ELF1: variants seen among roughly 807,000 people sequenced by gnomAD.
ELF1 encodes the protein E74 like ETS transcription factor 1, also known as ETS-related transcription factor Elf-1.
In ELF1, 24 loss-of-function variants were observed where a neutral mutation model predicts 59.9. That is an observed-to-expected ratio of 0.40 (90% confidence interval 0.29 to 0.56). The LOEUF is 0.56. ELF1 is among the 20% of genes least tolerant of loss of function. The pLI, the probability that ELF1 is intolerant of heterozygous loss-of-function variation, is 0.44. For synonymous variants in ELF1, 248 were observed against 266.2 expected (o/e 0.93, Z 0.67); for missense variants, 627 against 742.2 (o/e 0.84, Z 1.80).
chr13:41,061,325 A>G (rs1593421294), exon 1 of ELF1: 1 of 404,346 alleles, frequency 2.5e-6, no homozygotes, highest in Non-Finnish European at 4.5e-6. Context: ...AGACGGCGGG[A>G]TGGCGCAGGG....
chr13:40,984,945 TAAGCAACC>T (rs1566180579), intron 1 of ELF1, among the ~76,000 whole-genome samples: 1 of 152,196 alleles, frequency 6.6e-6, no homozygotes, highest in Non-Finnish European at 1.5e-5. Flanking sequence ...AAAATCAGGA[TAAGCAACC>T]AACATACCCA....
At chr13:40,989,831 G>A (rs1159395214) in intron 1 of ELF1, among the ~76,000 whole-genome samples, 5 of 152,070 alleles carry the variant, frequency 3.3e-5, no homozygotes, top group Admixed American at 3.3e-4. Flanking sequence ...ACTGATTCTA[G>A]GAAGGGGGAA....
At chr13:41,045,868 A>C (rs573353095) in intron 1 of ELF1, among the ~76,000 whole-genome samples, 35 of 152,236 alleles carry the variant, frequency 2.3e-4, no homozygotes, top group African/African-American at 8.4e-4. Flanking sequence ...TGATCTGTCT[A>C]ATGTTGACAG....
At position 40,943,283 on chromosome 13, in the gene ELF1, TTTAG is replaced by T. The variant is rs1205097924; in HGVS notation, c.614-143_614-140del. The T allele has an allele frequency of 6.4e-5, 47 of 731,328 alleles. No individual in the cohort carries two copies. In the African/African-American group the frequency reaches 7.9e-4, roughly 12 times the overall value. The allele number at this position is 731,328 out of a possible 1,614,324, so 45.3% of individuals were successfully genotyped here. ...AATTCAGTTAGTATTGGTGACATAA[TTTAG>T]TTAGTATGGGTGATATAATGGTCAT... On this transcript the variant is annotated intron_variant, in intron 6 of 8. Transcript: ENST00000239882.
chr13:41,049,068 T>C (rs1018848998), intron 1 of ELF1, among the ~76,000 whole-genome samples: 2 of 152,188 alleles, frequency 1.3e-5, no homozygotes, highest in Non-Finnish European at 2.9e-5. Context: ...TCTCCTGATT[T>C]TGCCCCAATT....
chr13:41,019,122 G>C (rs1257654620), intron 1 of ELF1, 106 bp downstream of exon 1: 1 of 882,002 alleles, frequency 1.1e-6, no homozygotes. Flanking sequence ...TTTATCAGAG[G>C]GTTAAAGAAC....
intron 2 of ELF1, among the ~76,000 whole-genome samples, chr13:40,974,260 A>G (rs1363889269): frequency 1.3e-5 from 2 of 152,206 alleles, no homozygotes; most frequent in African/African-American, 4.8e-5. Context: ...TAATTATACT[A>G]ATTAGCTAAA....
chr13:41,024,357 T>C (rs1875800610), intron 1 of ELF1, among the ~76,000 whole-genome samples: 1 of 152,096 alleles, frequency 6.6e-6, no homozygotes, highest in South Asian at 2.1e-4. Flanking sequence ...AGTTTTGCTC[T>C]GTCACCCAGG....
At chr13:41,018,162 AT>A in intron 1 of ELF1, among the ~76,000 whole-genome samples, 1 of 152,186 alleles carries the variant, frequency 6.6e-6, no homozygotes, top group South Asian at 2.1e-4. Flanking sequence ...CAAAAACTTT[AT>A]TTTTTGGAAT....
chr13:41,037,020 G>A (rs1055606032), intron 1 of ELF1, among the ~76,000 whole-genome samples: 5 of 151,846 alleles, frequency 3.3e-5, no homozygotes, highest in African/African-American at 1.2e-4. Context: ...GAGTTAATGG[G>A]TGCAGCACAC....
At chr13:41,012,711 C>G (rs915841161) in intron 1 of ELF1, among the ~76,000 whole-genome samples, 5 of 151,330 alleles carry the variant, frequency 3.3e-5, no homozygotes, top group African/African-American at 1.2e-4. Context: ...ACCTGGCTAA[C>G]TTAAAAAAAA....
chr13:40,993,787 G>T (rs941583728), intron 1 of ELF1, among the ~76,000 whole-genome samples: 1 of 152,032 alleles, frequency 6.6e-6, no homozygotes, highest in African/African-American at 2.4e-5. Context: ...ACCTGGCCGG[G>T]TTCTTTAATT....
In ELF1 at chr13:40,933,757, T is replaced by C; in HGVS notation, c.1528A>G (p.Ser510Gly). ...GPAQVQQVLT[S>G]NVQTICNGTV... ...CCATTGCAAATGGTCTGAACATTGC[T>C]AGTAAGGACCTGCTGAACCTGGGCA... The change falls in exon 9 of 9, where the codon AGC (serine) becomes GGC (glycine). Residue 510 changes from serine to glycine, a missense_variant. Coordinates refer to ENST00000239882, the MANE Select transcript of ELF1 (RefSeq NM_172373.4). 1 of 1,614,256 alleles carries C rather than the reference T, an allele frequency of 6.2e-7. No individual in the cohort carries two copies. The highest frequency in any genetic ancestry group is 8.5e-7 in the Non-Finnish European group (1 of 1,180,042).
At chr13:40,975,534 T>G (rs1466438938) in intron 2 of ELF1, among the ~76,000 whole-genome samples, 1 of 152,218 alleles carries the variant, frequency 6.6e-6, no homozygotes, top group Non-Finnish European at 1.5e-5. Flanking sequence ...TAAAAGTTAT[T>G]TGAAGTGTTT....
At chr13:40,973,194 T>A (rs879785146) in intron 2 of ELF1, among the ~76,000 whole-genome samples, 2 of 152,196 alleles carry the variant, frequency 1.3e-5, no homozygotes, top group Non-Finnish European at 1.5e-5. Context: ...AATCTTCGCA[T>A]CATCCTGCTG....
rs1286174358 is a variant in ELF1, at chr13:41,016,955, T to A, written c.-229+2273A>T. Among the ~76,000 whole-genome samples, 468 of 93,748 alleles carry A rather than the reference T, an allele frequency of 5.0e-3. 20 individuals are homozygous for A. Among genetic ancestry groups the A allele is most frequent in the African/African-American group, 0.016 (353 of 22,624 alleles). The allele number at this position is 93,748 out of a possible 152,430, so 61.5% of individuals were successfully genotyped here. A position where few individuals can be genotyped will look rare whatever the true frequency, so the allele number is the denominator to read the frequency against. ...AAAAAAAAAAAAAAAAAAATATATA[T>A]ATATATATATATATATATATATATA... On this transcript the variant is annotated intron_variant, in intron 1 of 8. Coordinates refer to ENST00000239882, the MANE Select transcript of ELF1 (RefSeq NM_172373.4).
intron 1 of ELF1, among the ~76,000 whole-genome samples, chr13:40,996,081 A>G (rs1452677086): frequency 6.6e-6 from 1 of 152,216 alleles, no homozygotes; most frequent in Non-Finnish European, 1.5e-5. Context: ...CCCACACCAT[A>G]TGTCACTGGG....
chr13:41,048,655 C>T (rs992234809), intron 1 of ELF1, among the ~76,000 whole-genome samples: 1 of 151,912 alleles, frequency 6.6e-6, no homozygotes, highest in Non-Finnish European at 1.5e-5. Context: ...TCAAGCAATC[C>T]GCCCACCTCA....
At chr13:40,990,674 G>C (rs976310443) in intron 1 of ELF1, among the ~76,000 whole-genome samples, 9 of 152,006 alleles carry the variant, frequency 5.9e-5, no homozygotes, top group Non-Finnish European at 1.0e-4. Flanking sequence ...GGGCAACATA[G>C]TGAAATCCCG....
Sources: allele counts gnomAD v4.1 joint callset (sites outside exome capture counted in the v4.1 genomes callset), GRCh38; gene constraint gnomAD v4.1.1; transcripts MANE v1.5; gene names NCBI Gene and HGNC (gene_info 2026-07-23, HGNC 2026-07-21).